TSEN15: variants seen among roughly 807,000 people sequenced by gnomAD.
TSEN15 encodes the protein tRNA-splicing endonuclease subunit Sen15.
A neutral mutation model predicts 20.5 loss-of-function variants in TSEN15; 10 were observed. The ratio of observed to expected loss-of-function variants is 0.49; its 90% confidence interval spans 0.30 to 0.83. The LOEUF (loss-of-function observed/expected upper bound fraction) is 0.83, where lower values mean the gene tolerates loss of function less well. Ranked by LOEUF, TSEN15 falls within the 40% of genes least tolerant of loss-of-function variation. The probability of loss-of-function intolerance (pLI) is 0.06; values close to 1 mark genes in which losing one functional copy is unlikely to be tolerated. For missense variants in TSEN15, 180 were observed against 218.6 expected (o/e 0.82, Z 1.11); for synonymous variants, 72 against 80.1 (o/e 0.90, Z 0.54).
chr1:184,083,411 T>G (rs1156356481), intron 3 of TSEN15, among the ~76,000 whole-genome samples: 1 of 152,218 alleles, frequency 6.6e-6, no homozygotes, highest in Non-Finnish European at 1.5e-5. Context: ...CCTGATAAGT[T>G]TACTTATTAT....
chr1:184,089,980 C>G (rs1456568712), intron 3 of TSEN15, among the ~76,000 whole-genome samples: 1 of 152,102 alleles, frequency 6.6e-6, no homozygotes, highest in African/African-American at 2.4e-5. Flanking sequence ...TGGTTGCTGC[C>G]CACTAAAAGG....
Position 184,091,448 on chromosome 1 carries a change from G to A in TSEN15, c.354-4242G>A, listed in dbSNP as rs962878180. Among the ~76,000 whole-genome samples the A allele has an allele frequency of 2.6e-5, 4 of 151,702 alleles. No homozygotes were observed. In the South Asian group the frequency reaches 6.2e-4, roughly 24 times the overall value. Reference sequence around the variant, plus strand: ...ATAATTCCTACTTTTCAGGATTGTTGTATATATTATATAATATAGTTAGTG... The same window carrying A: ...ATAATTCCTACTTTTCAGGATTGTTATATATATTATATAATATAGTTAGTG... On this transcript the variant is annotated intron_variant, in intron 3 of 3. Transcript: ENST00000643231.
At position 184,054,418 on chromosome 1, in the gene TSEN15, A is replaced by G; in HGVS notation, c.200A>G (p.Tyr67Cys). ...ATQVYVAFLV[Y>C]LDLMESKSWH... The stretch of plus-strand genomic sequence containing the variant: ...CAAGTTTATGTAGCGTTCTTGGTTT[A>G]CCTGGACCTCATGGAAAGTAAGTTG... The change falls in exon 2 of 5, where the codon TAC becomes TGC. Residue 67 changes from tyrosine to cysteine, a missense_variant. Tyr to Cys is a radical substitution (Grantham distance 194). Transcript: ENST00000645668. The G allele has an allele frequency of 6.2e-7, 1 of 1,609,974 alleles. No individual in the cohort carries two copies. Among genetic ancestry groups the G allele is most frequent in the Non-Finnish European group, 8.5e-7 (1 of 1,176,430 alleles).
chr1:184,058,151 T>G (rs892177792), intron 3 of TSEN15: 19 of 428,964 alleles, frequency 4.4e-5, no homozygotes, highest in Middle Eastern at 3.3e-4. Context: ...TAATTTCTAG[T>G]ATTTTCCAGG....
At chr1:184,058,664 T>C (rs1459609710) in intron 3 of TSEN15, among the ~76,000 whole-genome samples, 1 of 152,072 alleles carries the variant, frequency 6.6e-6, no homozygotes, top group Non-Finnish European at 1.5e-5. Context: ...AAGAAAATGA[T>C]TGATGTTGAG....
intron 3 of TSEN15, among the ~76,000 whole-genome samples, chr1:184,069,024 A>G (rs1010637638): frequency 2.0e-5 from 3 of 152,212 alleles, no homozygotes; most frequent in African/African-American, 7.2e-5. Flanking sequence ...TTTCAGAATC[A>G]TTACAGAAAA....
At chr1:184,071,528 T>A (rs1258428662) in intron 3 of TSEN15, among the ~76,000 whole-genome samples, 2 of 151,986 alleles carry the variant, frequency 1.3e-5, no homozygotes, top group Non-Finnish European at 2.9e-5. Flanking sequence ...ATTGGAGCAA[T>A]TTCTATATTT....
At chr1:184,085,038 T>C (rs1300318684) in intron 3 of TSEN15, among the ~76,000 whole-genome samples, 1 of 151,986 alleles carries the variant, frequency 6.6e-6, no homozygotes, top group African/African-American at 2.4e-5. Flanking sequence ...TTTAGATAAA[T>C]TGCATAGGAA....
Position 184,072,338 on chromosome 1 carries a change from A to T in TSEN15, c.495+40A>T, listed in dbSNP as rs143508231. The T allele has an allele frequency of 1.7e-3, 2,613 of 1,567,374 alleles. 7 individuals are homozygous for T. The highest frequency in any genetic ancestry group is 7.0e-3 in the Middle Eastern group (41 of 5,882). Reference sequence around the variant, plus strand: ...AACTGACAGCAAGAAGTACAAAAAGAGGAAAATTATGACGTGATTTTAAGT... The same window carrying T: ...AACTGACAGCAAGAAGTACAAAAAGTGGAAAATTATGACGTGATTTTAAGT... On this transcript the variant is annotated intron_variant, in intron 4 of 4. Transcript: ENST00000645668.
At chr1:184,095,302 G>A (rs1409989509) in intron 3 of TSEN15, 15 of 393,292 alleles carry the variant, frequency 3.8e-5, no homozygotes, top group South Asian at 1.4e-4. Context: ...GAGCAACACC[G>A]CTAACAACTT....
chr1:184,087,035 A>C (rs1437345453), intron 3 of TSEN15, among the ~76,000 whole-genome samples: 1 of 152,152 alleles, frequency 6.6e-6, no homozygotes, highest in Admixed American at 6.5e-5. Flanking sequence ...AAAATTCTAG[A>C]TACTATGGAT....
chr1:184,095,077 G>A (rs1040191906), intron 3 of TSEN15: 6 of 398,532 alleles, frequency 1.5e-5, no homozygotes, highest in African/African-American at 8.2e-5. Context: ...CTGAGACTGC[G>A]AGCTCTTGGA....
intron 3 of TSEN15, among the ~76,000 whole-genome samples, chr1:184,081,485 G>A (rs189949640): frequency 2.0e-5 from 3 of 152,252 alleles, no homozygotes; most frequent in Admixed American, 6.5e-5. Context: ...AGGAAGCCAC[G>A]TGCCTGGCCA....
At chr1:184,053,098 G>A (rs1650114161) in intron 1 of TSEN15, among the ~76,000 whole-genome samples, 1 of 152,130 alleles carries the variant, frequency 6.6e-6, no homozygotes, top group Non-Finnish European at 1.5e-5. Context: ...TCTAGATTTG[G>A]TGGTGTTATT....
At chr1:184,082,985 G>A (rs1386701891) in intron 3 of TSEN15, among the ~76,000 whole-genome samples, 2 of 152,086 alleles carry the variant, frequency 1.3e-5, no homozygotes, top group African/African-American at 2.4e-5. Context: ...CAAACAGAAG[G>A]TGTTAATTGT....
At position 184,065,104 on chromosome 1, in the gene TSEN15, G is replaced by A. The variant is rs184116729; in HGVS notation, c.354-7053G>A. 4.3e-4 allele frequency among the ~76,000 whole-genome samples: 65 copies of A among 152,000 alleles called. 1 individual carries two copies. In the East Asian group the frequency reaches 0.011, roughly 26 times the overall value. ...TGCTCCTATACTTTCTCCTTCTGTC[G>A]TTTTCTTTTTGTCAATAAATGGCAA... On this transcript the variant is annotated intron_variant, in intron 3 of 4. Coordinates refer to ENST00000645668, the MANE Select transcript of TSEN15 (RefSeq NM_052965.4).
At chr1:184,065,860 A>G (rs1169463087) in intron 3 of TSEN15, among the ~76,000 whole-genome samples, 3 of 152,094 alleles carry the variant, frequency 2.0e-5, no homozygotes, top group Non-Finnish European at 2.9e-5. Context: ...TTTCTTTTTG[A>G]TAAGTTTCAA....
chr1:184,076,717 GA>G (rs1287653562), downstream of TSEN15, among the ~76,000 whole-genome samples: 1 of 152,154 alleles, frequency 6.6e-6, no homozygotes, highest in Non-Finnish European at 1.5e-5. Flanking sequence ...ACATGAATAA[GA>G]AAGTGAAACA....
rs1187340855 is a variant in TSEN15 at position 184,073,770 on chromosome 1, A to G, written c.*923A>G. 3.9e-5 allele frequency: 6 copies of G among 152,350 alleles called. No homozygotes were observed. The highest frequency in any genetic ancestry group is 3.9e-4 in the Admixed American group (6 of 15,264). The allele number at this position is 152,350 out of a possible 1,614,324, so 9.4% of individuals were successfully genotyped here. A position where few individuals can be genotyped will look rare whatever the true frequency, so the allele number is the denominator to read the frequency against. On this transcript the variant is annotated 3_prime_UTR_variant, in exon 5 of 5. Coordinates refer to ENST00000645668, the MANE Select transcript of TSEN15 (RefSeq NM_052965.4). The stretch of plus-strand genomic sequence containing the variant: ...GAAAGTAACTATTTTAGGTTTTTAA[A>G]CCTACTGTCTCTGTCATAACTTGTC...
Sources: gnomAD v4.1 joint callset for allele counts (sites outside exome capture counted in the v4.1 genomes callset) on GRCh38, gnomAD v4.1.1 for gene constraint, MANE v1.5 for transcripts, NCBI Gene and HGNC (gene_info 2026-07-23, HGNC 2026-07-21) for gene names.